Variants in ZFHX3 observed in about 807,000 individuals in gnomAD.
ZFHX3 encodes zinc finger homeobox protein 3.
ZFHX3 carries 42 observed loss-of-function variants against 279.1 expected under a neutral mutation model. That is an observed-to-expected ratio of 0.15 (90% CI 0.12 to 0.19). The LOEUF is 0.19. Ranked by LOEUF, ZFHX3 falls within the 10% of genes least tolerant of loss-of-function variation. ZFHX3 has a pLI of 1.00. For missense variants in ZFHX3, 4,981 were observed against 4,754.0 expected, an observed-to-expected ratio of 1.05 and a Z score of -1.40; for synonymous variants, 2,293 against 1,957.8, an observed-to-expected ratio of 1.17 and a Z score of -4.52.
intron 1 of ZFHX3, among the ~76,000 whole-genome samples, chr16:73,869,490 C>T (rs1188775591): frequency 6.6e-6 from 1 of 152,182 alleles, no homozygotes; most frequent in Non-Finnish European, 1.5e-5. Flanking sequence ...ATAAAATACA[C>T]TCTACTACAA....
intron 5 of ZFHX3, among the ~76,000 whole-genome samples, chr16:73,225,366 AGCACCTTGTGAGGCCG>A: frequency 6.6e-6 from 1 of 152,292 alleles, no homozygotes; most frequent in Middle Eastern, 3.4e-3. Flanking sequence ...TTGTAATCCC[AGCACCTTGTGAGGCCG>A]AGGTGAGAGG....
chr16:72,788,083 G>T lies in ZFHX3; in HGVS notation c.10193C>A (p.Ala3398Glu), dbSNP rs774870235. 1 of 1,611,976 alleles carries T rather than the reference G, an allele frequency of 6.2e-7. No individual in the cohort carries two copies. The highest frequency in any genetic ancestry group is 1.1e-5 in the South Asian group (1 of 91,064). ...QQKVQQQQPK[A>E]SQTPVPPGAP... Reference sequence around the variant, plus strand: ...CCCGGGGGGGACTGGGGTTTGGCTTGCTTTGGGCTGCTGCTGCTGCACTTT... The same window carrying T: ...CCCGGGGGGGACTGGGGTTTGGCTTTCTTTGGGCTGCTGCTGCTGCACTTT... The change falls in exon 10 of 10, where the codon GCA becomes GAA. Residue 3398 changes from alanine to glutamate, a missense_variant. Physicochemically the swap from Ala to Glu is moderately radical, Grantham distance 107. This residue lies in a region of ZFHX3 where 1,034 missense variants were observed against 786.0 expected (regional missense o/e 1.32). Coordinates refer to ENST00000268489, the MANE Select transcript of ZFHX3 (RefSeq NM_006885.4).
intron 4 of ZFHX3, among the ~76,000 whole-genome samples, chr16:72,882,668 A>G (rs1412641962): frequency 6.6e-6 from 1 of 152,176 alleles, no homozygotes; most frequent in Non-Finnish European, 1.5e-5. Flanking sequence ...GACAGCAGTG[A>G]AACAGCACTG....
intron 5 of ZFHX3, among the ~76,000 whole-genome samples, chr16:73,183,041 C>T (rs969446718): frequency 1.4e-4 from 21 of 152,082 alleles, no homozygotes; most frequent in African/African-American, 4.6e-4. Flanking sequence ...CCCATCTCTA[C>T]TAAAAATACA....
chr16:73,552,418 A>G (rs1001509737), intron 2 of ZFHX3, among the ~76,000 whole-genome samples: 1 of 152,338 alleles, frequency 6.6e-6, no homozygotes, highest in South Asian at 2.1e-4. Flanking sequence ...ACATCGTGCC[A>G]TTTCATTCAA....
At chr16:73,352,477 T>C (rs2016264275) in intron 3 of ZFHX3, among the ~76,000 whole-genome samples, 2 of 113,888 alleles carry the variant, frequency 1.8e-5, no homozygotes, top group African/African-American at 4.4e-5. Context: ...TCTCTCTCTT[T>C]TTTTTTTTTT....
At chr16:72,848,730 G>A (rs2037539793) in intron 4 of ZFHX3, among the ~76,000 whole-genome samples, 1 of 145,720 alleles carries the variant, frequency 6.9e-6, no homozygotes, top group African/African-American at 2.5e-5. Context: ...CCCCAGACAT[G>A]CCTCCTCATC....
At chr16:73,539,125 TTTTC>T (rs1320942233) in intron 2 of ZFHX3, among the ~76,000 whole-genome samples, 3 of 152,054 alleles carry the variant, frequency 2.0e-5, no homozygotes, top group Admixed American at 6.5e-5. Context: ...AGCTTTCTTT[TTTTC>T]TTTCTTTCTT....
chr16:72,786,959 A>G lies in ZFHX3; in HGVS notation c.*205T>C. On this transcript the variant is annotated 3_prime_UTR_variant, in exon 10 of 10. Coordinates refer to ENST00000268489, the MANE Select transcript of ZFHX3 (RefSeq NM_006885.4). ...CTTTTTTTTTTTTTTTAATATTAAA[A>G]GAAAAGAAAAAGACAAGAATGTAAA... The G allele has an allele frequency of 2.6e-6, 1 of 385,816 alleles. No individual in the cohort carries two copies. Among genetic ancestry groups the G allele is most frequent in the Non-Finnish European group, 4.1e-6 (1 of 245,182 alleles). 23.9% of individuals were successfully genotyped at this position (385,816 alleles called of 1,614,324 possible).
intron 4 of ZFHX3, among the ~76,000 whole-genome samples, chr16:72,860,851 G>A (rs2143894056): frequency 6.6e-6 from 1 of 152,328 alleles, no homozygotes; most frequent in Non-Finnish European, 1.5e-5. Flanking sequence ...CTCGATCTTT[G>A]CGCAAGCCTG....
At chr16:73,024,535 T>C (rs182827565) in intron 1 of ZFHX3, among the ~76,000 whole-genome samples, 1 of 152,306 alleles carries the variant, frequency 6.6e-6, no homozygotes, top group Non-Finnish European at 1.5e-5. Context: ...TGAGTTGCAC[T>C]GAAAGGATCA....
intron 1 of ZFHX3, among the ~76,000 whole-genome samples, chr16:73,730,319 A>G (rs1052467185): frequency 1.3e-5 from 2 of 148,860 alleles, no homozygotes; most frequent in African/African-American, 5.0e-5. Flanking sequence ...AAAATCACTC[A>G]ATGATCAACC....
intron 1 of ZFHX3, among the ~76,000 whole-genome samples, chr16:73,798,582 GACAC>G (rs10531772): frequency 6.6e-6 from 1 of 150,840 alleles, no homozygotes; most frequent in Admixed American, 6.6e-5. Context: ...CACACACACA[GACAC>G]ACACACACAC....
chr16:73,507,802 C>T (rs935668172), intron 2 of ZFHX3, among the ~76,000 whole-genome samples: 1 of 152,138 alleles, frequency 6.6e-6, no homozygotes, highest in Admixed American at 6.5e-5. Context: ...TGCCTGGCCT[C>T]TGCCACTTTT....
chr16:72,799,986 T>C, intron 8 of ZFHX3, 41 bp downstream of exon 8: 1 of 1,579,330 alleles, frequency 6.3e-7, no homozygotes, highest in East Asian at 2.2e-5. Context: ...TGGCATTCCA[T>C]CTTGTTTCAA....
chr16:72,785,149 G>C lies in ZFHX3; in HGVS notation c.*2015C>G, dbSNP rs2035307550. ...TCTGTTGATGTTTAGCTATGAAAGT[G>C]AAACAGCAAAGCATCTATTTATTTG... On this transcript the variant is annotated 3_prime_UTR_variant, in exon 10 of 10. Coordinates refer to ENST00000268489, the MANE Select transcript of ZFHX3 (RefSeq NM_006885.4). The C allele has an allele frequency of 2.0e-5, 3 of 152,584 alleles. No homozygotes were observed. In the South Asian group the frequency reaches 6.2e-4, roughly 32 times the overall value. 9.5% of individuals were successfully genotyped at this position (152,584 alleles called of 1,614,324 possible).
At chr16:73,041,471 A>T (rs1965113100) in intron 1 of ZFHX3, among the ~76,000 whole-genome samples, 1 of 151,974 alleles carries the variant, frequency 6.6e-6, no homozygotes, top group Admixed American at 6.6e-5. Context: ...ACATTTTTTA[A>T]GTGGGCAAAA....
chr16:72,979,381 C>A (rs1335106266), intron 1 of ZFHX3, among the ~76,000 whole-genome samples: 1 of 152,176 alleles, frequency 6.6e-6, no homozygotes, highest in Non-Finnish European at 1.5e-5. Flanking sequence ...AAGACAAGTT[C>A]TATGAAAAAC....
intron 1 of ZFHX3, among the ~76,000 whole-genome samples, chr16:73,885,870 C>T (rs1433843623): frequency 6.6e-6 from 1 of 152,120 alleles, no homozygotes; most frequent in African/African-American, 2.4e-5. Flanking sequence ...CACCCACGCC[C>T]ATCAAAAAGC....
Sources: allele counts gnomAD v4.1 joint callset (sites outside exome capture counted in the v4.1 genomes callset), GRCh38; gene constraint gnomAD v4.1.1; regional missense constraint gnomAD v4.1.1; transcripts MANE v1.5; gene names NCBI Gene and HGNC (gene_info 2026-07-23, HGNC 2026-07-21).